GATAD1: variants seen among roughly 807,000 people sequenced by gnomAD.
The protein encoded by GATAD1 is GATA zinc finger domain containing 1, also known as GATA zinc finger domain-containing protein 1.
Under a neutral mutation model 26.5 loss-of-function variants are expected in GATAD1, and 12 were observed. That is an observed-to-expected ratio of 0.45 (90% CI 0.29 to 0.73). The LOEUF (loss-of-function observed/expected upper bound fraction) is 0.73. Among genes scored for constraint, GATAD1 ranks in the 30% least tolerant of loss-of-function variants. GATAD1 has a pLI of 0.10. For synonymous variants in GATAD1, 129 were observed against 133.1 expected, an observed-to-expected ratio of 0.97 and a Z score of 0.21; for missense variants, 266 against 342.1, an observed-to-expected ratio of 0.78 and a Z score of 1.75.
intron 4 of GATAD1, among the ~76,000 whole-genome samples, chr7:92,455,306 A>G (rs1789624212): frequency 1.3e-5 from 2 of 152,216 alleles, no homozygotes; most frequent in African/African-American, 4.8e-5. Context: ...ACCCAGGGTT[A>G]AACTGTACTA....
the GATAD1 span, among the ~76,000 whole-genome samples, chr7:92,473,416 A>G: frequency 6.6e-6 from 1 of 151,996 alleles, no homozygotes; most frequent in East Asian, 1.9e-4. Flanking sequence ...TGCCTTTGGT[A>G]GGGAAAGGAG....
chr7:92,459,501 A>G lies in GATAD1; in HGVS notation c.*2939A>G, dbSNP rs1210468642. ...TGATATGGCCCTGGTCTGTGTTCCC[A>G]GCCTTGTTTCCTCATTACCACTAAA... On this transcript the variant is annotated 3_prime_UTR_variant, in exon 5 of 5. Coordinates refer to ENST00000287957, the MANE Select transcript of GATAD1 (RefSeq NM_021167.5). 6.6e-6 allele frequency: 1 copy of G among 152,116 alleles called. No homozygotes were observed. The highest frequency in any genetic ancestry group is 1.5e-5 in the Non-Finnish European group (1 of 68,030). The allele number at this position is 152,116 out of a possible 1,614,324, so 9.4% of individuals were successfully genotyped here.
At chr7:92,486,775 A>AGAT in the GATAD1 span, among the ~76,000 whole-genome samples, 3 of 152,140 alleles carry the variant, frequency 2.0e-5, no homozygotes, top group African/African-American at 7.2e-5. Flanking sequence ...TATATAGTTA[A>AGAT]GATATTAGAT....
At chr7:92,487,972 A>T in the GATAD1 span, among the ~76,000 whole-genome samples, 2 of 152,214 alleles carry the variant, frequency 1.3e-5, no homozygotes, top group Non-Finnish European at 2.9e-5. Context: ...GCTCCCTGTT[A>T]TACAATTCCA....
At chr7:92,474,807 T>C in the GATAD1 span, 3 of 152,210 alleles carry the variant, frequency 2.0e-5, no homozygotes, top group African/African-American at 7.2e-5. Flanking sequence ...AGTCTGTTTT[T>C]ATTTGCTTTA....
At chr7:92,476,438 T>A in the GATAD1 span, among the ~76,000 whole-genome samples, 2 of 152,236 alleles carry the variant, frequency 1.3e-5, no homozygotes, top group Non-Finnish European at 2.9e-5. Context: ...GCTTTCGGCC[T>A]ATGCTCTTAT....
the GATAD1 span, chr7:92,493,902 G>C: frequency 2.8e-5 from 7 of 253,242 alleles, no homozygotes; most frequent in African/African-American, 1.6e-4. Context: ...ACAAGGAAGA[G>C]TTGAAAAATT....
chr7:92,490,408 G>A, the GATAD1 span, among the ~76,000 whole-genome samples: 5 of 152,126 alleles, frequency 3.3e-5, no homozygotes, highest in Non-Finnish European at 4.4e-5. Context: ...GTCAAGGCAC[G>A]CAGATAGCTT....
chr7:92,460,117 G>A (rs1789865476), downstream of GATAD1, among the ~76,000 whole-genome samples: 2 of 152,038 alleles, frequency 1.3e-5, no homozygotes, highest in Admixed American at 1.3e-4. Flanking sequence ...GGCTTTTCCA[G>A]GCCTAATAAG....
intron 3 of GATAD1, among the ~76,000 whole-genome samples, chr7:92,453,128 G>T (rs1789510443): frequency 6.6e-6 from 1 of 152,168 alleles, no homozygotes; most frequent in African/African-American, 2.4e-5. Context: ...AAAACTCCTG[G>T]CCTATCAGGT....
chr7:92,481,023 AG>A, the GATAD1 span, among the ~76,000 whole-genome samples: 5 of 152,188 alleles, frequency 3.3e-5, no homozygotes, highest in Non-Finnish European at 7.3e-5. Context: ...GCCCGAGTTA[AG>A]GCAATCAGTT....
At chr7:92,493,219 AACCT>A in the GATAD1 span, 163 of 739,198 alleles carry the variant, frequency 2.2e-4, 3 homozygotes, top group African/African-American at 2.5e-3. Flanking sequence ...TTCATAAATT[AACCT>A]TATATATCTA....
chr7:92,456,510 T>C lies in GATAD1; in HGVS notation c.758T>C (p.Val253Ala), dbSNP rs1789677607. ...GAGAAGGGCTACATATGGACTCATG[T>C]TGGGCCTACTCCTGCAATAACAATT... ...RPEKGYIWTH[V>A]GPTPAITIKE... Residue 253 changes from valine to alanine, a missense_variant, in exon 5 of 5, where the codon GTT becomes GCT. Transcript: ENST00000287957. 1 of 1,613,328 alleles carries C rather than the reference T, an allele frequency of 6.2e-7. No individual in the cohort carries two copies. The highest frequency in any genetic ancestry group is 8.5e-7 in the Non-Finnish European group (1 of 1,179,452).
At chr7:92,463,538 C>T (rs957367610), downstream of GATAD1, among the ~76,000 whole-genome samples, 1 of 151,960 alleles carries the variant, frequency 6.6e-6, no homozygotes, top group African/African-American at 2.4e-5. Context: ...GTGGCAGGCA[C>T]CTGTAGTCCC....
intron 2 of GATAD1, 125 bp downstream of exon 2, chr7:92,449,002 T>G: frequency 8.8e-7 from 1 of 1,131,216 alleles, no homozygotes; most frequent in East Asian, 2.4e-5. Context: ...TTCTGGGGAA[T>G]GGTCCAGATT....
At chr7:92,472,790 G>A in the GATAD1 span, 1 of 152,220 alleles carries the variant, frequency 6.6e-6, no homozygotes, top group Non-Finnish European at 1.5e-5. Context: ...GGGCCCTGGT[G>A]CCTTTGGATA....
the GATAD1 span, among the ~76,000 whole-genome samples, chr7:92,483,760 A>C: frequency 3.3e-5 from 5 of 152,254 alleles, no homozygotes; most frequent in African/African-American, 1.2e-4. Flanking sequence ...AGGGCTAGTC[A>C]CAGAACGAAA....
At chr7:92,485,504 A>G in the GATAD1 span, among the ~76,000 whole-genome samples, 1 of 152,256 alleles carries the variant, frequency 6.6e-6, no homozygotes, top group Non-Finnish European at 1.5e-5. Context: ...ATGAAGAGCC[A>G]GAGAAAAGGC....
the GATAD1 span, chr7:92,492,978 C>T: frequency 6.2e-7 from 1 of 1,613,816 alleles, no homozygotes; most frequent in Non-Finnish European, 8.5e-7. Flanking sequence ...GAGCAGCATT[C>T]CATGTAAGGC....
Sources: gnomAD v4.1 joint callset for allele counts (sites outside exome capture counted in the v4.1 genomes callset) on GRCh38, gnomAD v4.1.1 for gene constraint, MANE v1.5 for transcripts, NCBI Gene and HGNC (gene_info 2026-07-23, HGNC 2026-07-21) for gene names.